Variants in DDX60L observed in about 807,000 individuals in gnomAD.
DDX60L encodes the protein probable ATP-dependent RNA helicase DDX60-like.
In DDX60L, 191 loss-of-function variants were observed where a neutral mutation model predicts 211.6. The ratio of observed to expected loss-of-function variants is 0.90; its 90% confidence interval spans 0.80 to 1.02. The LOEUF (loss-of-function observed/expected upper bound fraction) is 1.02, where lower values mean the gene tolerates loss of function less well. Ranked by LOEUF, DDX60L falls within the 50% of genes least tolerant of loss-of-function variation. DDX60L has a pLI of 0.00. For missense variants in DDX60L, 2,007 were observed against 1,984.1 expected, an observed-to-expected ratio of 1.01 and a Z score of -0.22; for synonymous variants, 706 against 694.1, an observed-to-expected ratio of 1.02 and a Z score of -0.27.
chr4:168,474,440 T>C (rs935710055), intron 1 of DDX60L, among the ~76,000 whole-genome samples: 5 of 151,906 alleles, frequency 3.3e-5, no homozygotes, highest in African/African-American at 4.8e-5. Context: ...CTAAAAAACA[T>C]CAAAATATTC....
At chr4:168,403,874 A>T (rs1747268715) in intron 25 of DDX60L, 108 bp downstream of exon 25, 2 of 529,662 alleles carry the variant, frequency 3.8e-6, no homozygotes, top group African/African-American at 2.0e-5. Context: ...AAAATGGTAA[A>T]AGTAGGGTTA....
intron 29 of DDX60L, among the ~76,000 whole-genome samples, chr4:168,387,116 T>C (rs1315817188): frequency 2.6e-5 from 4 of 152,158 alleles, no homozygotes; most frequent in African/African-American, 7.2e-5. Context: ...ACAGACAGAA[T>C]GGACTCCTGT....
In DDX60L at chr4:168,357,919, C is replaced by G. The variant is rs1738407239; in HGVS notation, c.*228G>C. ...TTATCTCATTTAATCCTCAAAACAA[C>G]TAGAGGTATTCATTTTTACTCCGGT... On this transcript the variant is annotated 3_prime_UTR_variant, in exon 38 of 38. Transcript: ENST00000682922. 1 of 413,998 alleles carries G rather than the reference C, an allele frequency of 2.4e-6. No homozygotes were observed. The highest frequency in any genetic ancestry group is 4.3e-6 in the Non-Finnish European group (1 of 231,940). The allele number at this position is 413,998 out of a possible 1,614,324, so 25.6% of individuals were successfully genotyped here.
At chr4:168,462,914 G>A (rs1179349180) in intron 4 of DDX60L, among the ~76,000 whole-genome samples, 1 of 152,080 alleles carries the variant, frequency 6.6e-6, no homozygotes, top group Non-Finnish European at 1.5e-5. Context: ...AAACCACAAT[G>A]AGATACCATC....
intron 4 of DDX60L, among the ~76,000 whole-genome samples, chr4:168,464,400 T>G (rs1324600860): frequency 6.6e-6 from 1 of 151,640 alleles, no homozygotes; most frequent in African/African-American, 2.4e-5. Flanking sequence ...AAAACAATAG[T>G]TTTTTAATTT....
chr4:168,399,659 C>T (rs576777092), intron 26 of DDX60L, among the ~76,000 whole-genome samples: 2 of 152,268 alleles, frequency 1.3e-5, no homozygotes, highest in African/African-American at 4.8e-5. Context: ...TGCCAAATAA[C>T]AAATGGCAAG....
At chr4:168,390,395 G>A in intron 29 of DDX60L, 1 of 1,261,972 alleles carries the variant, frequency 7.9e-7, no homozygotes, top group Non-Finnish European at 9.9e-7. Flanking sequence ...ATGGTCTATA[G>A]CTATACTTGA....
intron 30 of DDX60L, 86 bp from the exon 31 acceptor site, chr4:168,379,916 AT>A: frequency 1.2e-6 from 1 of 830,854 alleles, no homozygotes; most frequent in Non-Finnish European, 1.8e-6. Flanking sequence ...CATACATACT[AT>A]ATAGATAAGG....
intron 5 of DDX60L, among the ~76,000 whole-genome samples, chr4:168,459,993 G>C (rs913628953): frequency 6.6e-6 from 1 of 152,252 alleles, no homozygotes; most frequent in African/African-American, 2.4e-5. Flanking sequence ...ATGATAAATT[G>C]TAGTTTTATT....
chr4:168,412,998 G>A (rs988766021), intron 22 of DDX60L, among the ~76,000 whole-genome samples: 1 of 152,228 alleles, frequency 6.6e-6, no homozygotes, highest in Non-Finnish European at 1.5e-5. Flanking sequence ...GATAATGGCT[G>A]CAGTGACCAA....
chr4:168,395,989 T>C lies in DDX60L; in HGVS notation c.3627A>G (p.Leu1209=), dbSNP rs746543740. Residue 1209 remains leucine (L), a synonymous_variant, in exon 27 of 38, where the codon CTA becomes CTG. Coordinates refer to ENST00000682922, the MANE Select transcript of DDX60L (RefSeq NM_001012967.3). ...CTTTATTCCTGGTAATTTCAGTGTG[T>C]AGGGCTTTGACATCAGCATACGTGC... ...EDCTYADVKA[L]HTEITRNKDS... is the part of the protein sequence containing the mutation. The C allele has an allele frequency of 3.1e-6, 5 of 1,608,048 alleles. No individual in the cohort carries two copies. Among genetic ancestry groups the C allele is most frequent in the Non-Finnish European group, 4.2e-6 (5 of 1,177,406 alleles).
Position 168,415,409 on chromosome 4 carries a change from A to G in DDX60L, c.2978T>C (p.Ile993Thr). The part of the protein sequence containing the change: ...FHPCAALTTD[I>T]IEKYGFPPDL... ...GGACAAATACACTTTTATACTTACAATATCTGTCGTTAGCGCAGCACAGGG... is the reference window on the plus strand; with the variant it reads ...GGACAAATACACTTTTATACTTACAGTATCTGTCGTTAGCGCAGCACAGGG... Residue 993 changes from isoleucine to threonine, a missense_variant and splice_region_variant, in exon 22 of 38, where the codon ATT becomes ACT. Coordinates refer to ENST00000682922, the MANE Select transcript of DDX60L (RefSeq NM_001012967.3). The G allele has an allele frequency of 6.3e-7, 1 of 1,592,714 alleles. No individual in the cohort carries two copies. The highest frequency in any genetic ancestry group is 1.1e-5 in the South Asian group (1 of 87,564).
chr4:168,477,227 A>G (rs751981923), intron 1 of DDX60L, among the ~76,000 whole-genome samples: 1 of 152,080 alleles, frequency 6.6e-6, no homozygotes, highest in Admixed American at 6.6e-5. Flanking sequence ...CATCCTGGCT[A>G]ACATGGTGAA....
chr4:168,447,454 C>T (rs2150031796), intron 9 of DDX60L, among the ~76,000 whole-genome samples: 1 of 151,560 alleles, frequency 6.6e-6, no homozygotes, highest in African/African-American at 2.4e-5. Context: ...CTAGTTCAAC[C>T]ATTGTGGAAG....
intron 4 of DDX60L, chr4:168,470,064 C>G (rs889881104): frequency 5.3e-5 from 8 of 152,280 alleles, no homozygotes; most frequent in Non-Finnish European, 7.3e-5. Context: ...GAACAATAAG[C>G]ACTTGAAAAA....
In DDX60L at chr4:168,406,668, G is replaced by T; in HGVS notation, c.3018C>A (p.Thr1006=). 6.2e-7 allele frequency: 1 copy of T among 1,606,856 alleles called. No individual in the cohort carries two copies. ...CATAAAGCTGGATGCTTTCTTGAGG[G>T]GTGAGGGTAAGATCAGGTGGGAATC... The part of the protein sequence containing the change: ...KYGFPPDLTL[T]PQESIQLYDT... Residue 1006 remains threonine (T), a synonymous_variant, in exon 23 of 38, where the codon ACC becomes ACA. Coordinates refer to ENST00000682922, the MANE Select transcript of DDX60L (RefSeq NM_001012967.3).
At chr4:168,443,347 AG>A (rs1754244694) in intron 9 of DDX60L, among the ~76,000 whole-genome samples, 1 of 152,066 alleles carries the variant, frequency 6.6e-6, no homozygotes, top group Non-Finnish European at 1.5e-5. Flanking sequence ...AAAAGAAATG[AG>A]CAAAGCCTCC....
chr4:168,422,785 T>A (rs889473693), intron 15 of DDX60L, 115 bp from the exon 16 acceptor site: 4 of 819,936 alleles, frequency 4.9e-6, no homozygotes, highest in East Asian at 2.7e-5. Flanking sequence ...CACTTTTTTT[T>A]ATTTTTTTGA....
rs1738284534 is a variant in DDX60L at position 168,356,811 on chromosome 4, CT to C, written c.*1335del. Reference sequence around the variant, plus strand: ...AACTACAACAATACCAAGTTTTCAGCTAATTGTTTGCTTAAAGAATCACAGA... The same window carrying C: ...AACTACAACAATACCAAGTTTTCAGCAATTGTTTGCTTAAAGAATCACAGA... On this transcript the variant is annotated 3_prime_UTR_variant, in exon 38 of 38. Coordinates refer to ENST00000682922, the MANE Select transcript of DDX60L (RefSeq NM_001012967.3). The C allele has an allele frequency of 6.6e-6, 1 of 152,194 alleles. No homozygotes were observed. The highest frequency in any genetic ancestry group is 1.5e-5 in the Non-Finnish European group (1 of 68,018). The allele number at this position is 152,194 out of a possible 1,614,324, so 9.4% of individuals were successfully genotyped here.
Sources: allele counts gnomAD v4.1 joint callset (sites outside exome capture counted in the v4.1 genomes callset), GRCh38; gene constraint gnomAD v4.1.1; transcripts MANE v1.5; gene names NCBI Gene and HGNC (gene_info 2026-07-23, HGNC 2026-07-21).